The following LSAMP variants were observed in gnomAD, a reference collection of about 807,000 sequenced individuals.
The protein encoded by LSAMP is limbic system associated membrane protein.
Under a neutral mutation model 38.6 loss-of-function variants are expected in LSAMP, and 7 were observed. The observed-to-expected ratio is 0.18, with a 90% CI of 0.10 to 0.34. The LOEUF is 0.34. Ranked by LOEUF, LSAMP falls within the 10% of genes least tolerant of loss-of-function variation. The probability of loss-of-function intolerance (pLI) is 1.00; values close to 1 mark genes in which losing one functional copy is unlikely to be tolerated. For synonymous variants in LSAMP, 154 were observed against 166.8 expected (o/e 0.92, Z 0.59); for missense variants, 313 against 420.0 (o/e 0.75, Z 2.23).
chr3:116,114,501 CT>C (rs34046466), intron 1 of LSAMP, among the ~76,000 whole-genome samples: 25,991 of 147,436 alleles, frequency 0.18, 2,257 homozygotes, highest in Non-Finnish European at 0.2. Context: ...TCCAGAAATG[CT>C]TTTTTTTTTT....
At chr3:116,247,506 T>C (rs567869503) in intron 1 of LSAMP, among the ~76,000 whole-genome samples, 1 of 152,348 alleles carries the variant, frequency 6.6e-6, no homozygotes, top group East Asian at 1.9e-4. Context: ...GGAATGAAAA[T>C]CTTACAAATA....
rs573458526 is a variant in LSAMP at position 115,952,145 on chromosome 3, G to C, written c.514+67370C>G. Among the ~76,000 whole-genome samples, 8 of 152,280 alleles carry C rather than the reference G, an allele frequency of 5.3e-5. No individual in the cohort carries two copies. In the South Asian group the frequency reaches 1.7e-3, roughly 32 times the overall value. On this transcript the variant is annotated intron_variant, in intron 3 of 6. Coordinates refer to ENST00000490035, the MANE Select transcript of LSAMP (RefSeq NM_002338.5). ...AATGTAGATTAGTATAATCACAACA[G>C]AAAACAGTATAGACATTCCTTAAAG... is the stretch of plus-strand genomic sequence containing the variant.
intron 1 of LSAMP, among the ~76,000 whole-genome samples, chr3:116,418,396 C>A (rs1347106325): frequency 6.6e-6 from 1 of 152,200 alleles, no homozygotes; most frequent in Non-Finnish European, 1.5e-5. Flanking sequence ...TATTTGCAAG[C>A]TTGAAATTTC....
chr3:116,423,009 A>G (rs775819312), intron 1 of LSAMP, among the ~76,000 whole-genome samples: 1 of 152,150 alleles, frequency 6.6e-6, no homozygotes. Context: ...GAGAGTTGTT[A>G]CTTTATTTCT....
intron 6 of LSAMP, among the ~76,000 whole-genome samples, chr3:115,837,440 AC>A (rs1934827037): frequency 2.0e-5 from 3 of 151,670 alleles, no homozygotes; most frequent in African/African-American, 7.3e-5. Flanking sequence ...CTCCTCCTAG[AC>A]CAAACGCTGA....
intron 6 of LSAMP, among the ~76,000 whole-genome samples, chr3:115,826,912 T>C (rs1934432617): frequency 1.3e-5 from 2 of 149,798 alleles, no homozygotes; most frequent in African/African-American, 2.5e-5. Flanking sequence ...GGAAGGTTGA[T>C]CTCCCAACGG....
chr3:116,399,770 C>T (rs1343695431), intron 1 of LSAMP, among the ~76,000 whole-genome samples: 1 of 152,182 alleles, frequency 6.6e-6, no homozygotes, highest in Non-Finnish European at 1.5e-5. Context: ...TACTGACCAG[C>T]AGTCCAGAGG....
At chr3:115,814,066 G>A (rs1040521292) in intron 6 of LSAMP, 1 of 152,188 alleles carries the variant, frequency 6.6e-6, no homozygotes, top group Non-Finnish European at 1.5e-5. Context: ...CACACCCACT[G>A]ATGTATGTGG....
intron 3 of LSAMP, among the ~76,000 whole-genome samples, chr3:115,915,565 G>T (rs537693671): frequency 6.6e-6 from 1 of 152,114 alleles, no homozygotes. Context: ...TGTACATAAA[G>T]CTCCTGAGTT....
At chr3:116,095,375 A>G (rs1458480524) in intron 1 of LSAMP, among the ~76,000 whole-genome samples, 1 of 152,244 alleles carries the variant, frequency 6.6e-6, no homozygotes, top group Non-Finnish European at 1.5e-5. Context: ...TTGTCCAGTC[A>G]TATATGCATT....
At chr3:116,188,350 T>G (rs1219307703) in intron 1 of LSAMP, among the ~76,000 whole-genome samples, 3 of 152,166 alleles carry the variant, frequency 2.0e-5, no homozygotes, top group African/African-American at 7.2e-5. Context: ...TGATTAAAGG[T>G]CTAATTTGAT....
chr3:115,888,003 A>G (rs1377122250), intron 3 of LSAMP, among the ~76,000 whole-genome samples: 1 of 151,966 alleles, frequency 6.6e-6, no homozygotes, highest in East Asian at 1.9e-4. Context: ...TAAATAGTGG[A>G]CACATTTTAG....
At chr3:116,292,923 A>G (rs1460305006) in intron 1 of LSAMP, among the ~76,000 whole-genome samples, 1 of 152,176 alleles carries the variant, frequency 6.6e-6, no homozygotes, top group Non-Finnish European at 1.5e-5. Context: ...TTTAGTCCAT[A>G]TCCTGTGGGA....
At chr3:116,207,438 C>A (rs2046086250) in intron 1 of LSAMP, among the ~76,000 whole-genome samples, 1 of 149,934 alleles carries the variant, frequency 6.7e-6, no homozygotes. Context: ...TGAATTTGAT[C>A]CTGTCATTAT....
At chr3:115,858,309 T>C (rs551704776) in intron 3 of LSAMP, among the ~76,000 whole-genome samples, 1 of 152,248 alleles carries the variant, frequency 6.6e-6, no homozygotes, top group Admixed American at 6.5e-5. Flanking sequence ...TCCCAGGACA[T>C]GACAACCAGC....
At chr3:116,084,473 C>CCA (rs397795772) in intron 2 of LSAMP, among the ~76,000 whole-genome samples, 4 of 140,746 alleles carry the variant, frequency 2.8e-5, no homozygotes, top group African/African-American at 5.4e-5. Context: ...AAAAAAAAAC[C>CCA]AAAAAAAACC....
chr3:116,282,017 T>C (rs2047133160), intron 1 of LSAMP, among the ~76,000 whole-genome samples: 1 of 152,228 alleles, frequency 6.6e-6, no homozygotes. Context: ...ACACATGTGC[T>C]GCTGCTTTGT....
intron 1 of LSAMP, among the ~76,000 whole-genome samples, chr3:116,252,350 A>C (rs547065949): frequency 6.6e-6 from 1 of 152,198 alleles, no homozygotes; most frequent in Non-Finnish European, 1.5e-5. Context: ...AGAAAACCTC[A>C]TGAAATCAAT....
intron 1 of LSAMP, among the ~76,000 whole-genome samples, chr3:116,214,380 C>T (rs528874625): frequency 6.6e-6 from 1 of 152,222 alleles, no homozygotes; most frequent in East Asian, 1.9e-4. Flanking sequence ...GCATTGCTGA[C>T]CTCTCTATGA....
Sources: allele counts gnomAD v4.1 joint callset (sites outside exome capture counted in the v4.1 genomes callset), GRCh38; gene constraint gnomAD v4.1.1; transcripts MANE v1.5; gene names NCBI Gene and HGNC (gene_info 2026-07-23, HGNC 2026-07-21).